Variants in LPP observed in about 807,000 individuals in gnomAD.
The protein encoded by LPP is LIM domain containing preferred translocation partner in lipoma, also known as lipoma-preferred partner.
In LPP, 38 loss-of-function variants were observed where a neutral mutation model predicts 60.4. That is an observed-to-expected ratio of 0.63 (90% CI 0.49 to 0.83). The LOEUF is 0.83. Among genes scored for constraint, LPP ranks in the 40% least tolerant of loss-of-function variants. The pLI is 0.00. For synonymous variants in LPP, 328 were observed against 290.8 expected (o/e 1.13, Z -1.30); for missense variants, 902 against 783.6 (o/e 1.15, Z -1.80).
At chr3:188,265,885 G>T (rs1341419482) in intron 2 of LPP, among the ~76,000 whole-genome samples, 2 of 151,486 alleles carry the variant, frequency 1.3e-5, no homozygotes, top group East Asian at 3.9e-4. Context: ...GTGTGTGTGT[G>T]TGTGTGTGTG....
intron 7 of LPP, among the ~76,000 whole-genome samples, chr3:188,664,101 T>G (rs1203978007): frequency 6.6e-6 from 1 of 152,248 alleles, no homozygotes; most frequent in Non-Finnish European, 1.5e-5. Flanking sequence ...TTGTCATAAT[T>G]GGACAGAGCT....
intron 4 of LPP, among the ~76,000 whole-genome samples, chr3:188,418,619 G>A (rs780948100): frequency 1.8e-4 from 27 of 151,952 alleles, no homozygotes; most frequent in Non-Finnish European, 2.5e-4. Flanking sequence ...TTATTTTCCC[G>A]AATTATTACT....
intron 2 of LPP, among the ~76,000 whole-genome samples, chr3:188,306,247 A>ATT (rs66669354): frequency 0.15 from 21,956 of 145,484 alleles, 1,857 homozygotes; most frequent in East Asian, 0.35. Context: ...TGTCCAGCTA[A>ATT]TTTTTTTTTT....
chr3:188,612,751 G>A (rs1843988248), intron 7 of LPP, among the ~76,000 whole-genome samples: 1 of 151,990 alleles, frequency 6.6e-6, no homozygotes, highest in Admixed American at 6.6e-5. Flanking sequence ...TGGGGAGTTT[G>A]GCATTTAACC....
chr3:188,732,544 C>A (rs1213650697), intron 8 of LPP, among the ~76,000 whole-genome samples: 1 of 151,692 alleles, frequency 6.6e-6, no homozygotes, highest in Non-Finnish European at 1.5e-5. Context: ...ACGGTGAAAC[C>A]CCGTCTCTAC....
intron 6 of LPP, among the ~76,000 whole-genome samples, chr3:188,599,751 GGT>G (rs71169011): frequency 0.02 from 2,836 of 139,878 alleles, 73 homozygotes; most frequent in African/African-American, 0.064. Context: ...ACTCGTTAGG[GGT>G]GTGTGTGTGT....
intron 3 of LPP, among the ~76,000 whole-genome samples, chr3:188,356,701 A>T (rs2150890292): frequency 6.6e-6 from 1 of 152,326 alleles, no homozygotes; most frequent in Non-Finnish European, 1.5e-5. Context: ...TTCCGTGGAA[A>T]AAGATTCTCC....
chr3:188,537,649 A>T (rs1326201465), intron 6 of LPP, among the ~76,000 whole-genome samples: 2 of 152,188 alleles, frequency 1.3e-5, no homozygotes, highest in African/African-American at 4.8e-5. Flanking sequence ...TAGTTGCAAG[A>T]TGTAATATTG....
At chr3:188,257,543 A>G (rs766808285) in intron 2 of LPP, among the ~76,000 whole-genome samples, 31 of 152,372 alleles carry the variant, frequency 2.0e-4, no homozygotes, top group Non-Finnish European at 3.8e-4. Context: ...TTTTGTTGAC[A>G]TGGGAAGTGT....
At position 188,165,601 on chromosome 3, in the gene LPP, G is replaced by A. The variant is rs78885614; in HGVS notation, c.-190+11349G>A. 4.0e-3 allele frequency among the ~76,000 whole-genome samples: 606 copies of A among 152,300 alleles called. 6 individuals are homozygous for A. The highest frequency in any genetic ancestry group is 0.014 in the African/African-American group (592 of 41,556). On this transcript the variant is annotated intron_variant, in intron 1 of 11. Coordinates refer to ENST00000617246, the MANE Select transcript of LPP (RefSeq NM_001375462.1). ...TGCATTCTGAAAGGAGCATTGAGTAGATCAATGAGATGACTGGATCTGTGC... is the reference window on the plus strand; with the variant it reads ...TGCATTCTGAAAGGAGCATTGAGTAAATCAATGAGATGACTGGATCTGTGC...
At chr3:188,285,907 C>G (rs1478353567) in intron 2 of LPP, among the ~76,000 whole-genome samples, 1 of 152,212 alleles carries the variant, frequency 6.6e-6, no homozygotes, top group African/African-American at 2.4e-5. Flanking sequence ...GTGGACACTA[C>G]CTCCAGAAAG....
At chr3:188,301,655 TTTATTTA>T (rs897293685) in intron 2 of LPP, among the ~76,000 whole-genome samples, 3 of 151,986 alleles carry the variant, frequency 2.0e-5, no homozygotes, top group East Asian at 1.9e-4. Context: ...ATTGATTTTA[TTTATTTA>T]TTATTTATTA....
chr3:188,583,705 G>A (rs1343804376), intron 6 of LPP, among the ~76,000 whole-genome samples: 6 of 152,072 alleles, frequency 3.9e-5, no homozygotes, highest in South Asian at 2.1e-4. Flanking sequence ...AGCAGAGATC[G>A]GACACTCAGT....
intron 3 of LPP, among the ~76,000 whole-genome samples, chr3:188,386,568 A>G (rs1185826016): frequency 2.0e-5 from 3 of 152,208 alleles, no homozygotes; most frequent in Non-Finnish European, 4.4e-5. Flanking sequence ...CAGTGAGAAA[A>G]GTCAAGGAAA....
intron 4 of LPP, among the ~76,000 whole-genome samples, chr3:188,438,271 A>G (rs1164918956): frequency 1.3e-5 from 2 of 151,720 alleles, no homozygotes; most frequent in East Asian, 1.9e-4. Flanking sequence ...AAAAAGCCCA[A>G]TCTTAGAGTA....
At chr3:188,248,495 T>C (rs182101556) in intron 2 of LPP, among the ~76,000 whole-genome samples, 151 of 138,480 alleles carry the variant, frequency 1.1e-3, no homozygotes, top group African/African-American at 4.1e-3. Context: ...TATATATATA[T>C]ATACAGTCAG....
intron 7 of LPP, among the ~76,000 whole-genome samples, chr3:188,623,449 G>A (rs1462182594): frequency 2.0e-5 from 3 of 151,948 alleles, no homozygotes; most frequent in African/African-American, 7.2e-5. Flanking sequence ...ATAGAGACAG[G>A]GTTTCACTAT....
At chr3:188,390,188 T>TTG (rs1387445847) in intron 3 of LPP, among the ~76,000 whole-genome samples, 1 of 152,162 alleles carries the variant, frequency 6.6e-6, no homozygotes, top group African/African-American at 2.4e-5. Flanking sequence ...CTTTCCATTG[T>TTG]TGTGTGTGGT....
intron 9 of LPP, among the ~76,000 whole-genome samples, chr3:188,838,806 T>C (rs1759159222): frequency 6.6e-6 from 1 of 151,912 alleles, no homozygotes; most frequent in Admixed American, 6.6e-5. Context: ...AGTTGAACAA[T>C]GAAAACACAT....
Sources: gnomAD v4.1 joint callset for allele counts (sites outside exome capture counted in the v4.1 genomes callset) on GRCh38, gnomAD v4.1.1 for gene constraint, MANE v1.5 for transcripts, NCBI Gene and HGNC (gene_info 2026-07-23, HGNC 2026-07-21) for gene names.